Variants in STK33 observed in about 807,000 individuals in gnomAD.
STK33 encodes the protein serine/threonine kinase 33, also known as serine/threonine-protein kinase 33.
Under a neutral mutation model 58.0 loss-of-function variants are expected in STK33, and 52 were observed. The ratio of observed to expected loss-of-function variants is 0.90; its 90% CI spans 0.72 to 1.13. STK33 has a LOEUF of 1.13. STK33 is among the 50% of genes most tolerant of loss of function. The pLI, the probability that STK33 is intolerant of heterozygous loss-of-function variation, is 0.00. For missense variants in STK33, 630 were observed against 604.2 expected, an observed-to-expected ratio of 1.04 and a Z score of -0.45; for synonymous variants, 215 against 200.1, an observed-to-expected ratio of 1.07 and a Z score of -0.63.
rs552790321 is a variant in STK33 at position 8,429,786 on chromosome 11, T to C, written c.1146+5708A>G. Among the ~76,000 whole-genome samples the C allele has an allele frequency of 5.3e-5, 8 of 152,264 alleles. No individual in the cohort carries two copies. The South Asian group carries it at 1.2e-3, about 24-fold the overall frequency. On this transcript the variant is annotated intron_variant, in intron 14 of 15. Transcript: ENST00000687296. ...AATACTCATCTTGTTTCTATTTAAC[T>C]CCTGACTCTTGGTTCACCTCCTCGT...
intron 1 of STK33, among the ~76,000 whole-genome samples, chr11:8,529,595 T>C (rs936761394): frequency 2.0e-5 from 3 of 152,016 alleles, no homozygotes; most frequent in South Asian, 4.2e-4. Context: ...GATGTGATTA[T>C]CTGGTGGGCC....
Position 8,392,197 on chromosome 11 carries a change from T to C in STK33, c.*313A>G, listed in dbSNP as rs1848668262. ...TAAACATAAGAATTTGAAGTAAAAA[T>C]GAGCAAGTGTGCCCACAGCCTTAAA... On this transcript the variant is annotated 3_prime_UTR_variant, in exon 16 of 16. Transcript: ENST00000687296. 1 of 320,430 alleles carries C rather than the reference T, an allele frequency of 3.1e-6. No homozygotes were observed. Among genetic ancestry groups the C allele is most frequent in the Non-Finnish European group, 5.7e-6 (1 of 175,362 alleles). The allele number at this position is 320,430 out of a possible 1,614,324, so 19.8% of individuals were successfully genotyped here. A position where few individuals can be genotyped will look rare whatever the true frequency, so the allele number is the denominator to read the frequency against.
chr11:8,420,574 A>T (rs1260261959), intron 14 of STK33, among the ~76,000 whole-genome samples: 1 of 152,208 alleles, frequency 6.6e-6, no homozygotes, highest in Non-Finnish European at 1.5e-5. Context: ...TTGCATCCAT[A>T]CACCTAGTTT....
At chr11:8,534,712 T>C (rs551871241) in intron 1 of STK33, among the ~76,000 whole-genome samples, 236 of 152,068 alleles carry the variant, frequency 1.6e-3, no homozygotes, top group African/African-American at 5.1e-3. Flanking sequence ...TCATCATCCA[T>C]TGAAAACAAA....
chr11:8,482,003 G>A (rs1030912366), intron 1 of STK33, among the ~76,000 whole-genome samples: 2 of 152,152 alleles, frequency 1.3e-5, no homozygotes, highest in Non-Finnish European at 2.9e-5. Context: ...AATAAAGCGT[G>A]TAAATCATAG....
chr11:8,367,322 A>C, the STK33 span, among the ~76,000 whole-genome samples: 1 of 152,250 alleles, frequency 6.6e-6, no homozygotes, highest in Admixed American at 6.5e-5. Context: ...GTGCGTGGGT[A>C]TACATTGTGT....
intron 15 of STK33, among the ~76,000 whole-genome samples, chr11:8,406,142 C>CAA (rs59336494): frequency 0.094 from 8,837 of 94,134 alleles, 1,097 homozygotes; most frequent in South Asian, 0.15. Flanking sequence ...GACTCCGTCT[C>CAA]AAAAAAAAAA....
At chr11:8,344,991 G>C in the STK33 span, among the ~76,000 whole-genome samples, 5 of 152,210 alleles carry the variant, frequency 3.3e-5, no homozygotes, top group African/African-American at 1.2e-4. Context: ...GGTTGGACCT[G>C]ACAGTTTCCA....
intron 1 of STK33, among the ~76,000 whole-genome samples, chr11:8,552,240 T>G (rs1458361998): frequency 6.6e-6 from 1 of 152,258 alleles, no homozygotes; most frequent in Non-Finnish European, 1.5e-5. Flanking sequence ...CCTTTTCTCT[T>G]ACCAGTCATG....
At chr11:8,529,828 C>G (rs1435201666) in intron 1 of STK33, among the ~76,000 whole-genome samples, 1 of 152,180 alleles carries the variant, frequency 6.6e-6, no homozygotes, top group Admixed American at 6.5e-5. Context: ...GGCATGCTGA[C>G]ACCTTCATTT....
At chr11:8,472,404 T>TTC (rs1948861503) in intron 6 of STK33, among the ~76,000 whole-genome samples, 1 of 152,196 alleles carries the variant, frequency 6.6e-6, no homozygotes, top group South Asian at 2.1e-4. Context: ...CAACTCTCCC[T>TTC]TTCACTTGAA....
At chr11:8,416,377 T>C (rs753381572) in intron 14 of STK33, among the ~76,000 whole-genome samples, 34 of 152,144 alleles carry the variant, frequency 2.2e-4, no homozygotes, top group Non-Finnish European at 3.5e-4. Flanking sequence ...ATTCTCAGTA[T>C]TTCTAACATT....
the STK33 span, among the ~76,000 whole-genome samples, chr11:8,376,514 T>C: frequency 6.6e-6 from 1 of 152,074 alleles, no homozygotes; most frequent in Non-Finnish European, 1.5e-5. Context: ...GCATTTGCAA[T>C]ACAGTCTTGT....
intron 10 of STK33, among the ~76,000 whole-genome samples, chr11:8,454,102 A>T (rs962595093): frequency 6.6e-6 from 1 of 152,248 alleles, no homozygotes; most frequent in African/African-American, 2.4e-5. Context: ...TAAACCAACA[A>T]TGCTGTTAAA....
intron 1 of STK33, among the ~76,000 whole-genome samples, chr11:8,493,767 T>A (rs957310121): frequency 6.6e-6 from 1 of 152,168 alleles, no homozygotes; most frequent in Non-Finnish European, 1.5e-5. Flanking sequence ...GTTGGCTTCA[T>A]CCCTGGGATG....
downstream of STK33, among the ~76,000 whole-genome samples, chr11:8,388,938 A>G (rs1412491000): frequency 1.3e-5 from 2 of 152,118 alleles, no homozygotes; most frequent in Non-Finnish European, 2.9e-5. Context: ...TGTCAGGAAG[A>G]GCTCGTTTAT....
the STK33 span, among the ~76,000 whole-genome samples, chr11:8,350,931 T>A: frequency 6.6e-6 from 1 of 152,034 alleles, no homozygotes; most frequent in African/African-American, 2.4e-5. Context: ...ACGGTTGGGA[T>A]AGAAGAGGGC....
intron 1 of STK33, among the ~76,000 whole-genome samples, chr11:8,482,983 G>A (rs1949939334): frequency 1.3e-5 from 2 of 151,824 alleles, no homozygotes; most frequent in Admixed American, 6.6e-5. Flanking sequence ...TGCCTGCCTC[G>A]GCCTCCCAAA....
At chr11:8,579,867 T>A (rs1958444386) in intron 1 of STK33, among the ~76,000 whole-genome samples, 1 of 152,134 alleles carries the variant, frequency 6.6e-6, no homozygotes, top group Non-Finnish European at 1.5e-5. Flanking sequence ...TATAAAAAGG[T>A]GTTCAACATC....
Sources: gnomAD v4.1 joint callset for allele counts (sites outside exome capture counted in the v4.1 genomes callset) on GRCh38, gnomAD v4.1.1 for gene constraint, MANE v1.5 for transcripts, NCBI Gene and HGNC (gene_info 2026-07-23, HGNC 2026-07-21) for gene names.